Variants in PPP2R1B observed in about 807,000 individuals in gnomAD.
PPP2R1B encodes serine/threonine-protein phosphatase 2A 65 kDa regulatory subunit A beta isoform.
In PPP2R1B, 58 loss-of-function variants were observed where a neutral mutation model predicts 72.7. That is an observed-to-expected ratio of 0.80 (90% CI 0.65 to 0.99). PPP2R1B has a LOEUF of 0.99. Among genes scored for constraint, PPP2R1B ranks in the 50% least tolerant of loss-of-function variants. The pLI is 0.00. For synonymous variants in PPP2R1B, 256 were observed against 264.6 expected (o/e 0.97, Z 0.32); for missense variants, 695 against 733.6 (o/e 0.95, Z 0.61).
At chr11:111,736,908 G>C (rs115500792), downstream of PPP2R1B, among the ~76,000 whole-genome samples, 715 of 152,296 alleles carry the variant, frequency 4.7e-3, 10 homozygotes, top group African/African-American at 0.016. Context: ...CCCTCCTAAT[G>C]AATGGCCCTG....
At chr11:111,747,176 T>A (rs529759373) in intron 11 of PPP2R1B, among the ~76,000 whole-genome samples, 1 of 152,268 alleles carries the variant, frequency 6.6e-6, no homozygotes, top group Admixed American at 6.5e-5. Context: ...CATGACCCCA[T>A]AGGGGCACTC....
rs140939127 is a variant in PPP2R1B at position 111,743,124 on chromosome 11, C to T, written c.1554+252G>A. On this transcript the variant is annotated intron_variant, in intron 12 of 14. Coordinates refer to ENST00000527614, the MANE Select transcript of PPP2R1B (RefSeq NM_002716.5). ...GACCAGGCTAGTCTCAAACTCCTGA[C>T]CTCAGGTGATCTGCCCGCCTCAGCC... Among the ~76,000 whole-genome samples the T allele has an allele frequency of 6.8e-3, 1,038 of 152,180 alleles. 15 individuals are homozygous for T. Among genetic ancestry groups the T allele is most frequent in the African/African-American group, 0.023 (970 of 41,520 alleles).
chr11:111,702,578 T>G, the PPP2R1B span, among the ~76,000 whole-genome samples: 1 of 152,154 alleles, frequency 6.6e-6, no homozygotes, highest in African/African-American at 2.4e-5. Context: ...CCAATAATAA[T>G]ATAATAAATA....
At chr11:111,746,490 G>A (rs183243194) in intron 11 of PPP2R1B, among the ~76,000 whole-genome samples, 1 of 152,240 alleles carries the variant, frequency 6.6e-6, no homozygotes, top group African/African-American at 2.4e-5. Context: ...GAGGGGCGAG[G>A]GGAGGGAGAG....
chr11:111,745,047 ATTTTTT>A (rs10579316), intron 11 of PPP2R1B, among the ~76,000 whole-genome samples: 1 of 84,990 alleles, frequency 1.2e-5, no homozygotes, highest in Non-Finnish European at 2.4e-5. Context: ...TTCTCCTCTA[ATTTTTT>A]TTTTTTTTTT....
At position 111,727,123 on chromosome 11, in the gene PPP2R1B, C is replaced by T. The variant is rs878940987; in HGVS notation, c.1912-66G>A. 80 of 1,417,376 alleles carry T rather than the reference C, an allele frequency of 5.6e-5. No individual in the cohort carries two copies. In the South Asian group the frequency reaches 8.1e-4, roughly 14 times the overall value. The allele number at this position is 1,417,376 out of a possible 1,614,324, so 87.8% of individuals were successfully genotyped here. On this transcript the variant is annotated intron_variant, in intron 15 of 15. Coordinates refer to the PPP2R1B transcript ENST00000311129. ...GCCCACTTTCACATTCCCGGTGACA[C>T]TGACCGTCCCCAGCTGCCCCCTCGC...
At chr11:111,703,879 T>C in the PPP2R1B span, among the ~76,000 whole-genome samples, 1 of 152,174 alleles carries the variant, frequency 6.6e-6, no homozygotes, top group African/African-American at 2.4e-5. Flanking sequence ...ACAGGTGGGC[T>C]CCTGATTTGG....
chr11:111,717,310 T>C, the PPP2R1B span, among the ~76,000 whole-genome samples: 1 of 81,984 alleles, frequency 1.2e-5, no homozygotes, highest in Non-Finnish European at 2.1e-5. Context: ...AGAGCGAGAC[T>C]CCGTCTCAAA....
chr11:111,752,835 C>T (rs940197242), intron 9 of PPP2R1B, among the ~76,000 whole-genome samples: 2 of 152,080 alleles, frequency 1.3e-5, no homozygotes, highest in Admixed American at 6.6e-5. Context: ...CTGTGGCAGG[C>T]GCCTGTAGTC....
chr11:111,692,379 A>AAAAAAAAAAAAAAAAAAAAAC, the PPP2R1B span, among the ~76,000 whole-genome samples: 1 of 144,958 alleles, frequency 6.9e-6, no homozygotes, highest in South Asian at 2.1e-4. Flanking sequence ...AAAAAAAAAA[A>AAAAAAAAAAAAAAAAAAAAAC]AAAAAAAAAC....
downstream of PPP2R1B, chr11:111,722,609 C>A (rs1565397288): frequency 6.6e-7 from 1 of 1,523,910 alleles, no homozygotes. This position sits in a 1 kb window ranked among gnomAD's most constrained non-coding sequence, Gnocchi z 4.4. Flanking sequence ...CATCTGATGA[C>A]TGCATCCTAG....
intron 10 of PPP2R1B, among the ~76,000 whole-genome samples, 185 bp from the exon 11 acceptor site, chr11:111,748,199 A>C (rs1944772787): frequency 7.1e-6 from 1 of 141,162 alleles, no homozygotes; most frequent in Non-Finnish European, 1.6e-5. Context: ...GGAAATCATA[A>C]ACAAAAAAAA....
At chr11:111,763,102 G>A (rs1383424999) in intron 3 of PPP2R1B, among the ~76,000 whole-genome samples, 1 of 152,186 alleles carries the variant, frequency 6.6e-6, no homozygotes, top group East Asian at 1.9e-4. Flanking sequence ...ATTTTAAGTT[G>A]AGTGGTTGGG....
chr11:111,688,208 T>G, the PPP2R1B span: 2 of 1,600,234 alleles, frequency 1.2e-6, no homozygotes, highest in Admixed American at 1.7e-5. This position sits in a 1 kb window ranked among gnomAD's most constrained non-coding sequence, Gnocchi z 4.2. Flanking sequence ...AGTGAGCCAC[T>G]GCACTCAGTG....
At chr11:111,764,747 T>C (rs782131220) in intron 3 of PPP2R1B, 58 bp downstream of exon 3, 15 of 1,538,954 alleles carry the variant, frequency 9.7e-6, no homozygotes, top group Non-Finnish European at 1.3e-5. Context: ...CACCAAACAA[T>C]GTATCATTTA....
At chr11:111,748,328 T>C (rs1555046908) in intron 10 of PPP2R1B, among the ~76,000 whole-genome samples, 2 of 152,266 alleles carry the variant, frequency 1.3e-5, no homozygotes, top group African/African-American at 4.8e-5. Flanking sequence ...CAAGCAAATC[T>C]GGATTACCTG....
At chr11:111,710,914 G>A in the PPP2R1B span, among the ~76,000 whole-genome samples, 6 of 152,192 alleles carry the variant, frequency 3.9e-5, no homozygotes, top group Non-Finnish European at 8.8e-5. Context: ...AACTATAGCC[G>A]GAAAAATACA....
the PPP2R1B span, chr11:111,700,809 T>C: frequency 6.5e-7 from 1 of 1,549,572 alleles, no homozygotes; most frequent in Non-Finnish European, 8.8e-7. Context: ...ATATAGCATA[T>C]TAGAAAATTT....
chr11:111,756,753 C>G (rs1945134094), intron 5 of PPP2R1B, among the ~76,000 whole-genome samples: 1 of 152,182 alleles, frequency 6.6e-6, no homozygotes, highest in South Asian at 2.1e-4. Context: ...ACTCAACTTT[C>G]CAAATGTAAA....
Sources: gnomAD v4.1 joint callset for allele counts (sites outside exome capture counted in the v4.1 genomes callset) on GRCh38, gnomAD v4.1.1 for gene constraint, Gnocchi (gnomAD v3.1) non-coding constraint, MANE v1.5 for transcripts, NCBI Gene and HGNC (gene_info 2026-07-23, HGNC 2026-07-21) for gene names.